CFHR3: variants seen among roughly 807,000 people sequenced by gnomAD.
The protein encoded by CFHR3 is complement factor H-related protein 3.
Under a neutral mutation model 36.0 loss-of-function variants are expected in CFHR3, and 22 were observed. That is an observed-to-expected ratio of 0.61 (90% CI 0.44 to 0.87). The LOEUF (loss-of-function observed/expected upper bound fraction) is 0.87. Among genes scored for constraint, CFHR3 ranks in the 40% least tolerant of loss-of-function variants. The probability of loss-of-function intolerance (pLI) is 0.00; values close to 1 mark genes in which losing one functional copy is unlikely to be tolerated. For synonymous variants in CFHR3, 97 were observed against 137.4 expected (o/e 0.71, Z 2.06); for missense variants, 276 against 401.3 (o/e 0.69, Z 2.67).
rs571165906 is a variant in CFHR3 at position 196,778,745 on chromosome 1, C to T, written c.59-417C>T. Among the ~76,000 whole-genome samples, 21 of 135,680 alleles carry T rather than the reference C, an allele frequency of 1.5e-4. 2 individuals carry two copies. In the South Asian group the frequency reaches 5.4e-3, roughly 35 times the overall value. 89.0% of individuals were successfully genotyped at this position (135,680 alleles called of 152,430 possible). ...GAGTCATATTTCTTGTTTCTCTTTT[C>T]CAAAAAACAATTATTGGTAATGTGT... is the stretch of plus-strand genomic sequence containing the variant. On this transcript the variant is annotated intron_variant, in intron 1 of 5. Coordinates refer to ENST00000367425, the MANE Select transcript of CFHR3 (RefSeq NM_021023.6).
intron 1 of CFHR3, among the ~76,000 whole-genome samples, chr1:196,776,659 A>G (rs559815178): frequency 5.1e-5 from 7 of 136,824 alleles, no homozygotes; most frequent in Admixed American, 4.2e-4. Flanking sequence ...GAAGCATCCA[A>G]TCCTGTTGAC....
At position 196,782,485 on chromosome 1, in the gene CFHR3, G is replaced by T. The variant is rs1230084878; in HGVS notation, c.430+2512G>T. ...GTATCCTCTTTTATTTCCTTGAGCA[G>T]TGGTTTGTGGTTCTCCTTGAAGAGG... On this transcript the variant is annotated intron_variant, in intron 3 of 5. Coordinates refer to ENST00000367425, the MANE Select transcript of CFHR3 (RefSeq NM_021023.6). 3.7e-5 allele frequency among the ~76,000 whole-genome samples: 5 copies of T among 136,580 alleles called. 1 individual carries two copies. The highest frequency in any genetic ancestry group is 1.5e-4 in the African/African-American group (5 of 32,468). 89.6% of individuals were successfully genotyped at this position (136,580 alleles called of 152,430 possible).
rs537066639 is a variant in CFHR3 at position 196,794,455 on chromosome 1, T to A, written c.*942T>A. The A allele has an allele frequency of 1.7e-3, 618 of 364,226 alleles. 127 individuals carry two copies. Among genetic ancestry groups the A allele is most frequent in the South Asian group, 0.014 (599 of 42,464 alleles). 22.6% of individuals were successfully genotyped at this position (364,226 alleles called of 1,614,324 possible). ...TCCAGCCTGGGCAATAGAGTGAGAC[T>A]CTGTCTTAAAAATAAATAAATAGGA... On this transcript the variant is annotated 3_prime_UTR_variant, in exon 6 of 6. Transcript: ENST00000367425.
chr1:196,789,321 A>G lies in CFHR3; in HGVS notation c.614-724A>G. The stretch of plus-strand genomic sequence containing the variant: ...TAAGAGAGAAAAAAGATACACTTAC[A>G]AAGTGATTATCTCAATGTTATCATG... On this transcript the variant is annotated intron_variant, in intron 4 of 5. Transcript: ENST00000367425. The G allele has an allele frequency of 4.5e-6, 4 of 880,446 alleles. 1 individual carries two copies. Among genetic ancestry groups the G allele is most frequent in the Non-Finnish European group, 5.4e-6 (4 of 743,254 alleles). The allele number at this position is 880,446 out of a possible 1,614,324, so 54.5% of individuals were successfully genotyped here.
intron 3 of CFHR3, among the ~76,000 whole-genome samples, chr1:196,784,590 T>C (rs1386514494): frequency 7.3e-6 from 1 of 136,270 alleles, no homozygotes; most frequent in Non-Finnish European, 1.6e-5. Context: ...TCTTTGTTGG[T>C]TTAAAGTTTG....
At chr1:196,790,778 AAAT>A (rs1161862611) in intron 5 of CFHR3, among the ~76,000 whole-genome samples, 3 of 127,776 alleles carry the variant, frequency 2.3e-5, no homozygotes, top group Non-Finnish European at 4.8e-5. Context: ...ATAAATAAAT[AAAT>A]AAAACAGAAG....
Position 196,783,028 on chromosome 1 carries a change from G to A in CFHR3, c.430+3055G>A, listed in dbSNP as rs1223554102. On this transcript the variant is annotated intron_variant, in intron 3 of 5. Coordinates refer to ENST00000367425, the MANE Select transcript of CFHR3 (RefSeq NM_021023.6). ...TTAGCATGAAGCGTTGTTGAATTTT[G>A]TCAAAGGCCTTTTCTGCATCTATTG... 2.2e-5 allele frequency among the ~76,000 whole-genome samples: 3 copies of A among 136,764 alleles called. 1 individual carries two copies. The highest frequency in any genetic ancestry group is 9.2e-5 in the African/African-American group (3 of 32,704). The allele number at this position is 136,764 out of a possible 152,430, so 89.7% of individuals were successfully genotyped here.
chr1:196,783,190 T>C (rs200563313), intron 3 of CFHR3, among the ~76,000 whole-genome samples: 40,735 of 135,128 alleles, frequency 0.3, 12,094 homozygotes, highest in East Asian at 0.53. Context: ...TGATGTGCTG[T>C]TGGATTCGGT....
intron 5 of CFHR3, among the ~76,000 whole-genome samples, chr1:196,792,022 T>G (rs1573127774): frequency 1.5e-5 from 2 of 133,270 alleles, no homozygotes; most frequent in South Asian, 5.2e-4. Context: ...GGCAACCTTA[T>G]GGAAAAGATT....
At chr1:196,789,369 C>T in intron 4 of CFHR3, 1 of 900,736 alleles carries the variant, frequency 1.1e-6, no homozygotes, top group Non-Finnish European at 1.3e-6. Flanking sequence ...TATATGAATT[C>T]CTACATTTCT....
chr1:196,786,701 G>A lies in CFHR3; in HGVS notation c.431-1515G>A, dbSNP rs186660791. 9.1e-4 allele frequency among the ~76,000 whole-genome samples: 125 copies of A among 136,918 alleles called. 31 individuals carry two copies. Among genetic ancestry groups the A allele is most frequent in the African/African-American group, 3.4e-3 (112 of 32,894 alleles). 89.8% of individuals were successfully genotyped at this position (136,918 alleles called of 152,430 possible). A position where few individuals can be genotyped will look rare whatever the true frequency, so the allele number is the denominator to read the frequency against. On this transcript the variant is annotated intron_variant, in intron 3 of 5. Transcript: ENST00000367425. ...GGAGTGACCCGATTTTCCAGGTGCCGTGTGTCACCCCTTTCTTTGACTAGG... is the reference window on the plus strand; with the variant it reads ...GGAGTGACCCGATTTTCCAGGTGCCATGTGTCACCCCTTTCTTTGACTAGG...
rs1304011246 is a variant in CFHR3 at position 196,782,229 on chromosome 1, C to G, written c.430+2256C>G. ...AGCCTTGTAGTATAGTTTGAAGTCA[C>G]GTAGTGTGATGCCTCCAGCTTTGTT... On this transcript the variant is annotated intron_variant, in intron 3 of 5. Transcript: ENST00000367425. 3.7e-5 allele frequency among the ~76,000 whole-genome samples: 5 copies of G among 136,596 alleles called. 1 individual carries two copies. Among genetic ancestry groups the G allele is most frequent in the African/African-American group, 9.2e-5 (3 of 32,680 alleles). The allele number at this position is 136,596 out of a possible 152,430, so 89.6% of individuals were successfully genotyped here.
At chr1:196,791,264 T>C (rs1378858722) in intron 5 of CFHR3, among the ~76,000 whole-genome samples, 1 of 136,202 alleles carries the variant, frequency 7.3e-6, no homozygotes, top group Non-Finnish European at 1.6e-5. Flanking sequence ...ATAGGTATAC[T>C]TCCAGAATTT....
At chr1:196,774,986 T>C in intron 1 of CFHR3, 42 bp downstream of exon 1, 1 of 1,374,498 alleles carries the variant, frequency 7.3e-7, no homozygotes. Flanking sequence ...CCCTCTTAAA[T>C]GTAACTTCAT....
At chr1:196,777,748 G>C (rs909189018) in intron 1 of CFHR3, among the ~76,000 whole-genome samples, 1 of 134,944 alleles carries the variant, frequency 7.4e-6, no homozygotes, top group Admixed American at 7.2e-5. Context: ...GCACTTTCGG[G>C]GGCCAAGGCG....
At chr1:196,780,482 T>C (rs1653902832) in intron 3 of CFHR3, among the ~76,000 whole-genome samples, 1 of 137,756 alleles carries the variant, frequency 7.3e-6, no homozygotes, top group Admixed American at 7.0e-5. Flanking sequence ...TATAGCATTG[T>C]AATGTAAATT....
At position 196,785,353 on chromosome 1, in the gene CFHR3, C is replaced by A. The variant is rs1277704983; in HGVS notation, c.431-2863C>A. 2.2e-5 allele frequency among the ~76,000 whole-genome samples: 3 copies of A among 134,016 alleles called. 1 individual carries two copies. The highest frequency in any genetic ancestry group is 3.2e-5 in the African/African-American group (1 of 31,064). The allele number at this position is 134,016 out of a possible 152,430, so 87.9% of individuals were successfully genotyped here. A position where few individuals can be genotyped will look rare whatever the true frequency, so the allele number is the denominator to read the frequency against. On this transcript the variant is annotated intron_variant, in intron 3 of 5. Coordinates refer to ENST00000367425, the MANE Select transcript of CFHR3 (RefSeq NM_021023.6). ...TTCCTGAATCTGAATGTTGGCCTGCCTTGCTAGATTGGGGAAGTTCTCCTG... is the reference window on the plus strand; with the variant it reads ...TTCCTGAATCTGAATGTTGGCCTGCATTGCTAGATTGGGGAAGTTCTCCTG...
rs1653840494 is a variant in CFHR3, at chr1:196,779,051, C to T, written c.59-111C>T. On this transcript the variant is annotated intron_variant, in intron 1 of 5. Coordinates refer to ENST00000367425, the MANE Select transcript of CFHR3 (RefSeq NM_021023.6). ...AGGATCAGGAAACTAGTTATGGTTGCTGTAATTCCACAAGAAAATGTTTGA... is the reference window on the plus strand; with the variant it reads ...AGGATCAGGAAACTAGTTATGGTTGTTGTAATTCCACAAGAAAATGTTTGA... The T allele has an allele frequency of 3.5e-6, 3 of 868,830 alleles. 1 individual carries two copies. In the South Asian group the frequency reaches 5.3e-5, roughly 15 times the overall value. 53.8% of individuals were successfully genotyped at this position (868,830 alleles called of 1,614,324 possible).
rs1032930290 is a variant in CFHR3, at chr1:196,786,258, G to A, written c.431-1958G>A. Among the ~76,000 whole-genome samples the A allele has an allele frequency of 4.4e-5, 6 of 135,922 alleles. 2 individuals are homozygous for A. Among genetic ancestry groups the A allele is most frequent in the African/African-American group, 1.6e-4 (5 of 32,178 alleles). The allele number at this position is 135,922 out of a possible 152,430, so 89.2% of individuals were successfully genotyped here. ...AGGCTGCTCGGGGGTTGGGGTCAGC[G>A]ACCAACTTGAGGAGGCAGTCTGCCC... On this transcript the variant is annotated intron_variant, in intron 3 of 5. Coordinates refer to ENST00000367425, the MANE Select transcript of CFHR3 (RefSeq NM_021023.6).
Sources: gnomAD v4.1 joint callset for allele counts (sites outside exome capture counted in the v4.1 genomes callset) on GRCh38, gnomAD v4.1.1 for gene constraint, MANE v1.5 for transcripts, NCBI Gene and HGNC (gene_info 2026-07-23, HGNC 2026-07-21) for gene names.